CCNT2: variants seen among roughly 807,000 people sequenced by gnomAD.
CCNT2 encodes cyclin-T2.
In CCNT2, 18 loss-of-function variants were observed where a neutral mutation model predicts 70.0. The observed-to-expected ratio is 0.26, with a 90% confidence interval of 0.18 to 0.38. The LOEUF (loss-of-function observed/expected upper bound fraction) is 0.38. CCNT2 is among the 10% of genes least tolerant of loss of function. The pLI is 1.00. For missense variants in CCNT2, 734 were observed against 890.2 expected, an observed-to-expected ratio of 0.82 and a Z score of 2.23; for synonymous variants, 334 against 313.3, an observed-to-expected ratio of 1.07 and a Z score of -0.70.
At chr2:134,929,599 C>A (rs78922765) in intron 2 of CCNT2, among the ~76,000 whole-genome samples, 47,186 of 134,306 alleles carry the variant, frequency 0.35, 8,628 homozygotes, top group Middle Eastern at 0.68. Context: ...CAGAGCAAGA[C>A]CCTGTCTCAA....
intron 2 of CCNT2, among the ~76,000 whole-genome samples, chr2:134,932,005 G>GT (rs1021435374): frequency 1.1e-4 from 16 of 150,778 alleles, no homozygotes; most frequent in Non-Finnish European, 1.6e-4. Flanking sequence ...TTTCTTTTTT[G>GT]TTTTTTTTCA....
At position 134,928,274 on chromosome 2, in the gene CCNT2, C is replaced by CTTTTTTTTTTTTTTTTTTTTTTTTTTTTT. The variant is rs551173090; in HGVS notation, c.240+8402_240+8403insTTTTTTTTTTTTTTTTTTTTTTTTTTTTT. Among the ~76,000 whole-genome samples the CTTTTTTTTTTTTTTTTTTTTTTTTTTTTT allele has an allele frequency of 3.3e-4, 32 of 96,388 alleles. 3 individuals carry two copies. The highest frequency in any genetic ancestry group is 5.1e-4 in the Non-Finnish European group (25 of 49,288). 63.2% of individuals were successfully genotyped at this position (96,388 alleles called of 152,430 possible). On this transcript the variant is annotated intron_variant, in intron 2 of 8. Coordinates refer to ENST00000264157, the MANE Select transcript of CCNT2 (RefSeq NM_058241.3). Reference sequence around the variant, plus strand: ...CCATGCCCGGCCTCACATTGTATTTCTTTTTTTTTTTTTTTTTTTCTGAGA... The same window carrying CTTTTTTTTTTTTTTTTTTTTTTTTTTTTT: ...CCATGCCCGGCCTCACATTGTATTTCTTTTTTTTTTTTTTTTTTTTTTTTTTTTTTTTTTTTTTTTTTTTTTTTCTGAGA...
At chr2:134,929,148 A>C (rs150903580) in intron 2 of CCNT2, among the ~76,000 whole-genome samples, 15 of 152,390 alleles carry the variant, frequency 9.8e-5, no homozygotes, top group Middle Eastern at 3.4e-3. Flanking sequence ...GCTGTTTAAG[A>C]AATTGATATT....
chr2:134,925,508 G>A (rs1444763769), intron 2 of CCNT2, among the ~76,000 whole-genome samples: 1 of 152,062 alleles, frequency 6.6e-6, no homozygotes, highest in Non-Finnish European at 1.5e-5. Flanking sequence ...TTTCATTAAT[G>A]GAATCCTACA....
At chr2:134,937,481 T>G (rs1681244075) in intron 3 of CCNT2, among the ~76,000 whole-genome samples, 1 of 152,228 alleles carries the variant, frequency 6.6e-6, no homozygotes, top group Admixed American at 6.5e-5. Context: ...TTTTTTAGTA[T>G]TTTAATTTTC....
chr2:134,952,597 C>A, intron 7 of CCNT2, 44 bp from the exon 8 acceptor site: 1 of 1,222,574 alleles, frequency 8.2e-7, no homozygotes, highest in Non-Finnish European at 1.2e-6. Flanking sequence ...AAATTTAAAT[C>A]CTAAAGGCAC....
intron 2 of CCNT2, among the ~76,000 whole-genome samples, chr2:134,925,885 A>G (rs1435048671): frequency 1.4e-5 from 1 of 70,000 alleles, no homozygotes; most frequent in Non-Finnish European, 2.5e-5. Flanking sequence ...TTTTTTTTTG[A>G]GACTAGGTCT....
At chr2:134,937,001 T>A (rs753043001) in intron 3 of CCNT2, 32 bp downstream of exon 3, 1 of 1,546,602 alleles carries the variant, frequency 6.5e-7, no homozygotes, top group South Asian at 1.2e-5. Context: ...TATTTTTCTT[T>A]GTAAATTTGA....
At position 134,953,257 on chromosome 2, in the gene CCNT2, G is replaced by A; in HGVS notation, c.802G>A (p.Val268Ile). 1 of 1,610,946 alleles carries A rather than the reference G, an allele frequency of 6.2e-7. No individual in the cohort carries two copies. The highest frequency in any genetic ancestry group is 8.5e-7 in the Non-Finnish European group (1 of 1,177,250). Residue 268 changes from valine (V) to isoleucine (I), a missense_variant, in exon 9 of 9, where the codon GTA becomes ATA. Physicochemically the swap from Val to Ile is conservative, Grantham distance 29. Coordinates refer to ENST00000264157, the MANE Select transcript of CCNT2 (RefSeq NM_058241.3). Reference protein sequence around the residue: ...RANQAARKPKVDGQVSETPLL... With the variant: ...RANQAARKPKIDGQVSETPLL... ...TAATCAGGCAGCTAGGAAACCAAAA[G>A]TAGATGGACAGGTATCAGAGACACC...
chr2:134,953,259 A>T lies in CCNT2; in HGVS notation c.804A>T (p.Val268=). ...RANQAARKPK[V]DGQVSETPLL... ...ATCAGGCAGCTAGGAAACCAAAAGT[A>T]GATGGACAGGTATCAGAGACACCAC... Residue 268 remains valine (V), a synonymous_variant, in exon 9 of 9, where the codon GTA becomes GTT. Transcript: ENST00000264157. 1 of 1,611,362 alleles carries T rather than the reference A, an allele frequency of 6.2e-7. No homozygotes were observed. The highest frequency in any genetic ancestry group is 8.5e-7 in the Non-Finnish European group (1 of 1,177,544).
At position 134,958,057 on chromosome 2, in the gene CCNT2, A is replaced by T. The variant is rs144154293; in HGVS notation, c.*3409A>T. ...TTTTCTTTTCTATTTGAGAACTTAA[A>T]TTGCTGACTTGTATTCGTTAAGCAA... On this transcript the variant is annotated 3_prime_UTR_variant, in exon 9 of 9. Transcript: ENST00000264157. The T allele has an allele frequency of 6.6e-6, 1 of 152,320 alleles. No individual in the cohort carries two copies. The highest frequency in any genetic ancestry group is 1.9e-4 in the East Asian group (1 of 5,190). The allele number at this position is 152,320 out of a possible 1,614,324, so 9.4% of individuals were successfully genotyped here.
At chr2:134,919,421 T>C (rs1679692866) in intron 1 of CCNT2, among the ~76,000 whole-genome samples, 1 of 152,194 alleles carries the variant, frequency 6.6e-6, no homozygotes, top group Non-Finnish European at 1.5e-5. Context: ...CTTTCCCGGC[T>C]CTCGTCGCCG....
Position 134,954,120 on chromosome 2 carries a change from C to T in CCNT2, c.1665C>T (p.Asp555=). 6.2e-7 allele frequency: 1 copy of T among 1,614,110 alleles called. No homozygotes were observed. Among genetic ancestry groups the T allele is most frequent in the Non-Finnish European group, 8.5e-7 (1 of 1,180,016 alleles). ...SKHSSPHISR[D]HKEKHKEHPS... ...ATTCAAGCCCACATATTAGCAGAGA[C>T]CATAAGGAGAAGCACAAGGAGCATC... The change falls in exon 9 of 9, where the codon GAC becomes GAT. Residue 555 remains aspartate (D), a synonymous_variant. Coordinates refer to ENST00000264157, the MANE Select transcript of CCNT2 (RefSeq NM_058241.3).
rs1036735841 is a variant in CCNT2, at chr2:134,945,691, A to G, written c.494-410A>G. The G allele has an allele frequency of 2.4e-6, 3 of 1,258,092 alleles. No homozygotes were observed. In the African/African-American group the frequency reaches 4.7e-5, roughly 20 times the overall value. The allele number at this position is 1,258,092 out of a possible 1,614,324, so 77.9% of individuals were successfully genotyped here. A position where few individuals can be genotyped will look rare whatever the true frequency, so the allele number is the denominator to read the frequency against. ...GATGGAAGTATTTAAGCCAACTTAAATATGACTGAGGATTAAGTCTGGCAG... is the reference window on the plus strand; with the variant it reads ...GATGGAAGTATTTAAGCCAACTTAAGTATGACTGAGGATTAAGTCTGGCAG... On this transcript the variant is annotated intron_variant, in intron 5 of 8. Transcript: ENST00000264157.
At position 134,929,613 on chromosome 2, in the gene CCNT2, C is replaced by CAGAG. The variant is rs140163816; in HGVS notation, c.241-7208_241-7205dup. Among the ~76,000 whole-genome samples the CAGAG allele has an allele frequency of 1.9e-3, 224 of 117,674 alleles. 6 individuals carry two copies. Among genetic ancestry groups the CAGAG allele is most frequent in the African/African-American group, 6.8e-3 (192 of 28,094 alleles). The allele number at this position is 117,674 out of a possible 152,430, so 77.2% of individuals were successfully genotyped here. On this transcript the variant is annotated intron_variant, in intron 2 of 8. Coordinates refer to ENST00000264157, the MANE Select transcript of CCNT2 (RefSeq NM_058241.3). ...ACAGAGCAAGACCCTGTCTCAAAAA[C>CAGAG]AGAGAGAGAGAGAGAGAGAGAGAAC... is the stretch of plus-strand genomic sequence containing the variant.
intron 3 of CCNT2, 27 bp from the exon 4 acceptor site, chr2:134,938,975 C>A: frequency 1.4e-6 from 2 of 1,473,390 alleles, no homozygotes; most frequent in South Asian, 2.3e-5. Flanking sequence ...TTATTTTAAT[C>A]AATTTGATAA....
Position 134,936,829 on chromosome 2 carries a change from T to C in CCNT2, c.241-12T>C, listed in dbSNP as rs1290643182. On this transcript the variant is annotated splice_polypyrimidine_tract_variant and intron_variant, in intron 2 of 8. Transcript: ENST00000264157. The stretch of plus-strand genomic sequence containing the variant: ...TTGTTCTTAAATGACCAGAGTTTTA[T>C]CTTTTCTGCAGATAATATCGTCTAC... 1.2e-6 allele frequency: 2 copies of C among 1,600,040 alleles called. No homozygotes were observed. The highest frequency in any genetic ancestry group is 1.4e-5 in the African/African-American group (1 of 73,970).
chr2:134,954,100 A>G lies in CCNT2; in HGVS notation c.1645A>G (p.Ser549Gly). Residue 549 changes from serine (S) to glycine (G), a missense_variant, in exon 9 of 9, where the codon AGC (serine) becomes GGC (glycine). Around this residue, in one of 3 missense-constraint regions of CCNT2, gnomAD observed 532 missense variants for 556.9 expected, o/e 0.96. Coordinates refer to ENST00000264157, the MANE Select transcript of CCNT2 (RefSeq NM_058241.3). ...AGGCAGTGGGAAGAGCAAACATTCA[A>G]GCCCACATATTAGCAGAGACCATAA... ...DEGSGKSKHSSPHISRDHKEK... is the reference protein window; with the variant it reads ...DEGSGKSKHSGPHISRDHKEK... 6.2e-7 allele frequency: 1 copy of G among 1,614,172 alleles called. No individual in the cohort carries two copies. The highest frequency in any genetic ancestry group is 8.5e-7 in the Non-Finnish European group (1 of 1,180,018).
At position 134,958,635 on chromosome 2, in the gene CCNT2, C is replaced by CT. The variant is rs1237984563; in HGVS notation, c.*3988dup. On this transcript the variant is annotated 3_prime_UTR_variant, in exon 9 of 9. Coordinates refer to ENST00000264157, the MANE Select transcript of CCNT2 (RefSeq NM_058241.3). ...CAGTGAGCAACCTAATTGCTGTAAG[C>CT]TGACATACATGGAAGCCGAAATCAA... 6.6e-6 allele frequency: 1 copy of CT among 152,206 alleles called. No homozygotes were observed. Among genetic ancestry groups the CT allele is most frequent in the East Asian group, 1.9e-4 (1 of 5,200 alleles). 9.4% of individuals were successfully genotyped at this position (152,206 alleles called of 1,614,324 possible).
Sources: gnomAD v4.1 joint callset for allele counts (sites outside exome capture counted in the v4.1 genomes callset) on GRCh38, gnomAD v4.1.1 for gene constraint, gnomAD v4.1.1 regional missense constraint, MANE v1.5 for transcripts, NCBI Gene and HGNC (gene_info 2026-07-23, HGNC 2026-07-21) for gene names.